The following MAP3K5 variants were observed in gnomAD, a reference collection of about 807,000 sequenced individuals.
The protein encoded by MAP3K5 is ASK-1.
Under a neutral mutation model 158.7 loss-of-function variants are expected in MAP3K5, and 56 were observed. The observed-to-expected ratio is 0.35, with a 90% CI of 0.28 to 0.44. The LOEUF is 0.44. Ranked by LOEUF, MAP3K5 falls within the 20% of genes least tolerant of loss-of-function variation. The pLI, the probability that MAP3K5 is intolerant of heterozygous loss-of-function variation, is 1.00. For synonymous variants in MAP3K5, 579 were observed against 601.7 expected (o/e 0.96, Z 0.55); for missense variants, 1,294 against 1,674.8 (o/e 0.77, Z 3.97).
intron 1 of MAP3K5, among the ~76,000 whole-genome samples, chr6:136,765,185 A>C (rs536178750): frequency 6.6e-6 from 1 of 152,298 alleles, no homozygotes; most frequent in South Asian, 2.1e-4. Context: ...GGTTATACAA[A>C]CTCTGAAGTC....
At chr6:136,743,179 A>G (rs961781981) in intron 1 of MAP3K5, among the ~76,000 whole-genome samples, 1 of 152,222 alleles carries the variant, frequency 6.6e-6, no homozygotes, top group Non-Finnish European at 1.5e-5. Flanking sequence ...GGCTGGGCGC[A>G]GTGGCTCACG....
At chr6:136,664,668 T>C (rs1346279871) in intron 8 of MAP3K5, among the ~76,000 whole-genome samples, 4 of 152,228 alleles carry the variant, frequency 2.6e-5, no homozygotes, top group African/African-American at 9.6e-5. Flanking sequence ...AGAGTTGCTG[T>C]ACACTCGGCC....
chr6:136,622,611 C>T (rs1776856280), intron 15 of MAP3K5, among the ~76,000 whole-genome samples: 1 of 152,208 alleles, frequency 6.6e-6, no homozygotes, highest in East Asian at 1.9e-4. Flanking sequence ...TCCAAGACAA[C>T]CTGAGCCTAA....
At chr6:136,660,947 C>CT (rs80182404) in intron 8 of MAP3K5, among the ~76,000 whole-genome samples, 154 of 144,872 alleles carry the variant, frequency 1.1e-3, no homozygotes, top group African/African-American at 2.5e-3. Flanking sequence ...CACAAAACAG[C>CT]TTTTTTTTTT....
At chr6:136,669,789 T>C (rs377225743) in intron 7 of MAP3K5, among the ~76,000 whole-genome samples, 2 of 152,262 alleles carry the variant, frequency 1.3e-5, no homozygotes, top group South Asian at 4.1e-4. Context: ...TAGAAAGCTA[T>C]GTAGTCATTT....
At chr6:136,729,513 T>G (rs7769773) in intron 1 of MAP3K5, among the ~76,000 whole-genome samples, 9,715 of 152,262 alleles carry the variant, frequency 0.064, 1,008 homozygotes, top group African/African-American at 0.22. Flanking sequence ...CTTTGAGCAA[T>G]GTATCATTAA....
intron 10 of MAP3K5, 25 bp downstream of exon 10, chr6:136,656,282 T>C (rs2114439312): frequency 6.2e-7 from 1 of 1,603,306 alleles, no homozygotes; most frequent in Middle Eastern, 1.7e-4. Context: ...AGAAATGTAC[T>C]TAGATTTAAA....
intron 17 of MAP3K5, 152 bp downstream of exon 17, chr6:136,612,968 C>G: frequency 1.4e-6 from 1 of 695,892 alleles, no homozygotes; most frequent in Non-Finnish European, 2.2e-6. Context: ...ATAACTGATT[C>G]AGGGTTGAAC....
At chr6:136,561,469 A>G (rs1436355752) in intron 28 of MAP3K5, 64 bp downstream of exon 28, 3 of 1,185,980 alleles carry the variant, frequency 2.5e-6, no homozygotes, top group Non-Finnish European at 3.8e-6. Context: ...CCTGTCACAT[A>G]GCAGGCACCC....
chr6:136,741,414 C>A (rs2114876900), intron 1 of MAP3K5, among the ~76,000 whole-genome samples: 1 of 151,704 alleles, frequency 6.6e-6, no homozygotes, highest in East Asian at 1.9e-4. Flanking sequence ...CAATCACAAC[C>A]ACTTCTAATT....
At chr6:136,712,234 T>C (rs1010241147) in intron 2 of MAP3K5, among the ~76,000 whole-genome samples, 4 of 148,386 alleles carry the variant, frequency 2.7e-5, no homozygotes, top group African/African-American at 9.9e-5. Flanking sequence ...CAGGCTGGAG[T>C]GCAGTGACAT....
chr6:136,655,836 T>C (rs1778721342), intron 10 of MAP3K5, among the ~76,000 whole-genome samples: 1 of 152,112 alleles, frequency 6.6e-6, no homozygotes, highest in African/African-American at 2.4e-5. Flanking sequence ...TCTAAAACAT[T>C]GTAAATAGTG....
intron 24 of MAP3K5, 36 bp downstream of exon 24, chr6:136,583,519 G>A (rs1414031683): frequency 1.3e-6 from 2 of 1,537,096 alleles, no homozygotes; most frequent in East Asian, 2.3e-5. Context: ...ACTAATTTTA[G>A]TGTGTGGGAA....
intron 21 of MAP3K5, among the ~76,000 whole-genome samples, chr6:136,596,736 T>C (rs992283658): frequency 1.3e-5 from 2 of 152,304 alleles, no homozygotes; most frequent in African/African-American, 4.8e-5. Context: ...CTGAGACAGT[T>C]TGCTTTATAC....
chr6:136,709,615 C>T (rs927207180), intron 2 of MAP3K5, among the ~76,000 whole-genome samples: 1 of 152,146 alleles, frequency 6.6e-6, no homozygotes, highest in African/African-American at 2.4e-5. Flanking sequence ...AAGCAAATGG[C>T]CACTACTGGC....
intron 27 of MAP3K5, among the ~76,000 whole-genome samples, chr6:136,561,885 A>C (rs1830531252): frequency 6.6e-6 from 1 of 152,256 alleles, no homozygotes; most frequent in South Asian, 2.1e-4. Context: ...TTACACTTTC[A>C]TATCAATTTT....
rs189124721 is a variant in MAP3K5 at position 136,722,726 on chromosome 6, T to C, written c.449-2137A>G. On this transcript the variant is annotated intron_variant, in intron 1 of 29. Coordinates refer to ENST00000359015, the MANE Select transcript of MAP3K5 (RefSeq NM_005923.4). ...ACAGTTCTCAGTTTGTTGCCCATAC[T>C]AGAGTGCAGTGACAAAATCATAGCT... is the stretch of plus-strand genomic sequence containing the variant. Among the ~76,000 whole-genome samples, 48 of 145,904 alleles carry C rather than the reference T, an allele frequency of 3.3e-4. 1 individual carries two copies. The highest frequency in any genetic ancestry group is 1.2e-3 in the African/African-American group (48 of 40,188).
At chr6:136,723,987 C>G (rs1240531505) in intron 1 of MAP3K5, among the ~76,000 whole-genome samples, 2 of 152,218 alleles carry the variant, frequency 1.3e-5, no homozygotes, top group Non-Finnish European at 2.9e-5. Context: ...TGCACCCACA[C>G]AGCTTCCTCC....
intron 1 of MAP3K5, among the ~76,000 whole-genome samples, chr6:136,772,442 T>G (rs1390116001): frequency 6.6e-6 from 1 of 151,504 alleles, no homozygotes; most frequent in Non-Finnish European, 1.5e-5. Context: ...TTCCAAGATG[T>G]GCAGTAAAAT....
Sources: gnomAD v4.1 joint callset for allele counts (sites outside exome capture counted in the v4.1 genomes callset) on GRCh38, gnomAD v4.1.1 for gene constraint, MANE v1.5 for transcripts, NCBI Gene and HGNC (gene_info 2026-07-23, HGNC 2026-07-21) for gene names.